The following E2F7 variants were observed in gnomAD, a reference collection of about 807,000 sequenced individuals.
E2F7 encodes transcription factor E2F7.
E2F7 carries 35 observed loss-of-function variants against 81.1 expected under a neutral mutation model. That is an observed-to-expected ratio of 0.43 (90% CI 0.33 to 0.57). The LOEUF is 0.57. Ranked by LOEUF, E2F7 falls within the 20% of genes least tolerant of loss-of-function variation. The pLI, the probability that E2F7 is intolerant of heterozygous loss-of-function variation, is 0.04. For synonymous variants in E2F7, 416 were observed against 416.2 expected (o/e 1.00, Z 0.01); for missense variants, 961 against 1,093.7 (o/e 0.88, Z 1.71).
chr12:77,038,676 T>C (rs1954872588), intron 7 of E2F7, among the ~76,000 whole-genome samples: 1 of 152,184 alleles, frequency 6.6e-6, no homozygotes, highest in South Asian at 2.1e-4. Context: ...CTCAAATTAA[T>C]GATTTCAGCT....
At chr12:77,060,662 A>G (rs552540179) in intron 2 of E2F7, among the ~76,000 whole-genome samples, 1 of 152,230 alleles carries the variant, frequency 6.6e-6, no homozygotes, top group East Asian at 1.9e-4. Context: ...TCACACCACC[A>G]CTTCCTCTTT....
At chr12:77,033,797 G>A (rs1954825104) in intron 8 of E2F7, 60 bp downstream of exon 8, 16 of 1,476,736 alleles carry the variant, frequency 1.1e-5, no homozygotes, top group Non-Finnish European at 1.4e-5. Flanking sequence ...GTGCTGCACT[G>A]GCATGGGCTA....
chr12:77,024,963 G>A (rs1565892133), intron 12 of E2F7, among the ~76,000 whole-genome samples: 1 of 151,948 alleles, frequency 6.6e-6, no homozygotes, highest in Non-Finnish European at 1.5e-5. Context: ...GAGGTTGGGG[G>A]ACAAATATAG....
intron 4 of E2F7, among the ~76,000 whole-genome samples, chr12:77,047,190 AGGGTG>A (rs978223808): frequency 1.3e-5 from 2 of 152,164 alleles, no homozygotes; most frequent in African/African-American, 4.8e-5. Flanking sequence ...ATAGTTGTTA[AGGGTG>A]GGGGGCTCTT....
At chr12:77,038,636 A>G (rs1954872353) in intron 7 of E2F7, among the ~76,000 whole-genome samples, 1 of 152,178 alleles carries the variant, frequency 6.6e-6, no homozygotes, top group Admixed American at 6.5e-5. Flanking sequence ...AATTTATAGC[A>G]CTAAATGCTT....
intron 2 of E2F7, among the ~76,000 whole-genome samples, chr12:77,058,656 A>G (rs538879394): frequency 2.0e-5 from 3 of 152,118 alleles, no homozygotes; most frequent in Non-Finnish European, 4.4e-5. Flanking sequence ...ACCTCACTAT[A>G]CTTTATTTCT....
intron 4 of E2F7, among the ~76,000 whole-genome samples, chr12:77,048,686 T>G (rs889385504): frequency 1.3e-5 from 2 of 152,170 alleles, no homozygotes; most frequent in African/African-American, 4.8e-5. Context: ...CATGAAAAGA[T>G]GGCATGCTTG....
chr12:77,036,538 AAAAAT>A (rs553209392), intron 7 of E2F7, among the ~76,000 whole-genome samples: 43 of 151,634 alleles, frequency 2.8e-4, no homozygotes, highest in African/African-American at 6.3e-4. Flanking sequence ...TGTCTCCAAA[AAAAAT>A]AAAATAAATT....
intron 4 of E2F7, among the ~76,000 whole-genome samples, chr12:77,049,973 T>C (rs1411115177): frequency 6.6e-6 from 1 of 152,138 alleles, no homozygotes; most frequent in Non-Finnish European, 1.5e-5. Context: ...GTCTCTATTC[T>C]GAAGCAGGTG....
chr12:77,044,490 A>AGATGAATG (rs1954922893), intron 6 of E2F7, 147 bp downstream of exon 6: 1 of 1,007,102 alleles, frequency 9.9e-7, no homozygotes, highest in Non-Finnish European at 1.4e-6. Flanking sequence ...CTTACCTCTC[A>AGATGAATG]CAGCACCAAA....
rs751328845 is a variant in E2F7, at chr12:77,027,908, T to C, written c.2115A>G (p.Gln705=). ...NESTKEPSLL[Q]YLCVQSPAGL... is the part of the protein sequence containing the mutation. ...CTGCAGGAGACTGCACACAAAGATA[T>C]TGTAGCAAAGAAGGCTCTTTGGTGC... Residue 705 remains glutamine, a synonymous_variant, in exon 11 of 13, where the codon CAA becomes CAG. Coordinates refer to ENST00000322886, the MANE Select transcript of E2F7 (RefSeq NM_203394.3). 5.0e-6 allele frequency: 8 copies of C among 1,614,182 alleles called. No homozygotes were observed. Among genetic ancestry groups the C allele is most frequent in the South Asian group, 1.1e-5 (1 of 91,076 alleles).
rs767295872 is a variant in E2F7, at chr12:77,044,673, C to T, written c.952G>A (p.Glu318Lys). ...LDVAAKILIE[E>K]SQDAPDHSKF... is the part of the protein sequence containing the mutation. ...CTATGGTCTGGGGCATCTTGGCTTT[C>T]TTCTATCAGTATTTTGGCAGCCACA... Residue 318 changes from glutamate (E) to lysine (K), a missense_variant, in exon 6 of 13, where the codon GAA (glutamate) becomes AAA (lysine). This residue lies in a region of E2F7 where 301 missense variants were observed against 405.0 expected (regional missense o/e 0.74). Transcript: ENST00000322886. 3.1e-6 allele frequency: 5 copies of T among 1,614,080 alleles called. No homozygotes were observed. Among genetic ancestry groups the T allele is most frequent in the Admixed American group, 1.7e-5 (1 of 60,026 alleles).
At chr12:77,051,883 A>G (rs2120728546) in intron 3 of E2F7, among the ~76,000 whole-genome samples, 1 of 152,342 alleles carries the variant, frequency 6.6e-6, no homozygotes, top group South Asian at 2.1e-4. Context: ...TTCCTTCTGC[A>G]GAAGATGTCA....
chr12:77,055,987 T>C lies in E2F7; in HGVS notation c.237A>G (p.Glu79=), dbSNP rs775914869. 1.9e-6 allele frequency: 3 copies of C among 1,614,214 alleles called. No individual in the cohort carries two copies. The part of the protein sequence containing the change: ...PVKFVDRQQA[E]PWTPTANLKM... ...TCAGGTTAGCTGTGGGTGTCCATGG[T>C]TCCGCTTGCTGTCTGTCAACAAACT... is the stretch of plus-strand genomic sequence containing the variant. The change falls in exon 3 of 13, where the codon GAA becomes GAG. Residue 79 remains glutamate (E), a synonymous_variant. Transcript: ENST00000322886.
At chr12:77,044,296 G>A (rs1782466158) in intron 6 of E2F7, 1 of 465,394 alleles carries the variant, frequency 2.1e-6, no homozygotes, top group South Asian at 1.6e-5. Context: ...AGGGGGTGGG[G>A]AAAAAAGGGG....
At position 77,033,883 on chromosome 12, in the gene E2F7, G is replaced by A. The variant is rs751762067; in HGVS notation, c.1283C>T (p.Pro428Leu). The change falls in exon 8 of 13, where the codon CCG becomes CTG. Residue 428 changes from proline to leucine, a missense_variant. Pro to Leu is a moderately conservative substitution (Grantham distance 98). Coordinates refer to ENST00000322886, the MANE Select transcript of E2F7 (RefSeq NM_203394.3). ...ERIQRKVNSEPSSPYREEQGS... is the reference protein window; with the variant it reads ...ERIQRKVNSELSSPYREEQGS... ...TTGTTCTTCTCTGTACGGGCTGCTC[G>A]GTTCTGAGTTCACTTTCCTCTGGAT... is the stretch of plus-strand genomic sequence containing the variant. 3.1e-6 allele frequency: 5 copies of A among 1,612,610 alleles called. No homozygotes were observed. The highest frequency in any genetic ancestry group is 2.5e-6 in the Non-Finnish European group (3 of 1,179,530).
intron 7 of E2F7, among the ~76,000 whole-genome samples, chr12:77,042,532 A>G (rs1334576234): frequency 6.6e-6 from 1 of 152,176 alleles, no homozygotes; most frequent in Non-Finnish European, 1.5e-5. Flanking sequence ...CTTTGACTCC[A>G]GTTTTGTAAA....
intron 9 of E2F7, among the ~76,000 whole-genome samples, chr12:77,032,554 C>T (rs1436692336): frequency 2.6e-5 from 4 of 152,180 alleles, no homozygotes; most frequent in African/African-American, 7.2e-5. Flanking sequence ...AGCTTTGTCA[C>T]CTATTAGCAA....
At chr12:77,036,926 T>C (rs1041208667) in intron 7 of E2F7, among the ~76,000 whole-genome samples, 2 of 152,128 alleles carry the variant, frequency 1.3e-5, no homozygotes, top group Non-Finnish European at 2.9e-5. Context: ...ATTTTTTGTA[T>C]TTTTAGTAGA....
Sources: allele counts gnomAD v4.1 joint callset (sites outside exome capture counted in the v4.1 genomes callset), GRCh38; gene constraint gnomAD v4.1.1; regional missense constraint gnomAD v4.1.1; transcripts MANE v1.5; gene names NCBI Gene and HGNC (gene_info 2026-07-23, HGNC 2026-07-21).